RBFOX1: variants seen among roughly 807,000 people sequenced by gnomAD.
The protein encoded by RBFOX1 is RNA binding protein fox-1 homolog 1.
RBFOX1 carries 8 observed loss-of-function variants against 57.7 expected under a neutral mutation model. The observed-to-expected ratio is 0.14, with a 90% confidence interval of 0.08 to 0.25. The LOEUF is 0.25. RBFOX1 is among the 10% of genes least tolerant of loss of function. The probability of loss-of-function intolerance (pLI) is 1.00; values close to 1 mark genes in which losing one functional copy is unlikely to be tolerated. For missense variants in RBFOX1, 611 were observed against 548.5 expected, an observed-to-expected ratio of 1.11 and a Z score of -1.14; for synonymous variants, 326 against 222.4, an observed-to-expected ratio of 1.47 and a Z score of -4.15.
chr16:6,369,986 T>A (rs893370304), intron 2 of RBFOX1, among the ~76,000 whole-genome samples: 1 of 152,196 alleles, frequency 6.6e-6, no homozygotes, highest in East Asian at 1.9e-4. Flanking sequence ...CATTTAGTTG[T>A]CAAGTCTCTT....
At chr16:6,187,671 G>A (rs1427021712) in intron 1 of RBFOX1, among the ~76,000 whole-genome samples, 1 of 152,118 alleles carries the variant, frequency 6.6e-6, no homozygotes, top group Non-Finnish European at 1.5e-5. Context: ...TGAGCAAGTA[G>A]GTAGTTTTAA....
In RBFOX1 at chr16:7,551,449, G is replaced by A. The variant is rs186586471; in HGVS notation, c.271-28328G>A. On this transcript the variant is annotated intron_variant, in intron 5 of 15. Transcript: ENST00000550418. Reference sequence around the variant, plus strand: ...GGCCCAAATAAGGAATATTTGGGGCGCACTTGCTGGGTGAAAGCCATGAGA... The same window carrying A: ...GGCCCAAATAAGGAATATTTGGGGCACACTTGCTGGGTGAAAGCCATGAGA... Among the ~76,000 whole-genome samples, 209 of 152,262 alleles carry A rather than the reference G, an allele frequency of 1.4e-3. 1 individual carries two copies. The highest frequency in any genetic ancestry group is 4.5e-3 in the African/African-American group (185 of 41,564).
upstream of RBFOX1, among the ~76,000 whole-genome samples, chr16:6,016,373 G>A (rs2094993814): frequency 6.6e-6 from 1 of 152,142 alleles, no homozygotes; most frequent in Non-Finnish European, 1.5e-5. Flanking sequence ...GGGTATTCCT[G>A]GTTGGAGGAA....
intron 3 of RBFOX1, among the ~76,000 whole-genome samples, chr16:6,695,703 A>G (rs141474559): frequency 1.3e-5 from 2 of 152,334 alleles, no homozygotes; most frequent in East Asian, 3.9e-4. Flanking sequence ...CAAGAAAGTG[A>G]ATGACTGTCA....
At chr16:5,956,056 T>A (rs1370176877) in intron 4 of RBFOX1, among the ~76,000 whole-genome samples, 1 of 151,990 alleles carries the variant, frequency 6.6e-6, no homozygotes, top group Non-Finnish European at 1.5e-5. Context: ...GAGGCCAAGA[T>A]CACAAGAGCA....
At chr16:6,741,639 A>G (rs2072155246) in intron 3 of RBFOX1, among the ~76,000 whole-genome samples, 1 of 151,762 alleles carries the variant, frequency 6.6e-6, no homozygotes, top group South Asian at 2.1e-4. Context: ...ACTGCACTCC[A>G]GCCTGGGCGA....
At chr16:7,108,135 C>T (rs977790876) in intron 4 of RBFOX1, among the ~76,000 whole-genome samples, 3 of 152,066 alleles carry the variant, frequency 2.0e-5, no homozygotes, top group South Asian at 2.1e-4. Flanking sequence ...TAGCATAAAA[C>T]AAAATACATT....
chr16:6,896,883 G>T (rs903100136), intron 3 of RBFOX1, among the ~76,000 whole-genome samples: 7 of 152,076 alleles, frequency 4.6e-5, no homozygotes, highest in African/African-American at 1.7e-4. Context: ...AAATGATTAG[G>T]GAATTTAGGT....
intron 3 of RBFOX1, among the ~76,000 whole-genome samples, chr16:7,033,826 C>T (rs1214826652): frequency 6.6e-6 from 1 of 151,870 alleles, no homozygotes; most frequent in Non-Finnish European, 1.5e-5. Context: ...CAAATTAGCC[C>T]ACTAGAGTGG....
intron 14 of RBFOX1, among the ~76,000 whole-genome samples, chr16:7,705,399 G>A (rs1019037607): frequency 1.3e-5 from 2 of 152,080 alleles, no homozygotes; most frequent in Non-Finnish European, 2.9e-5. Flanking sequence ...CAGCTATTCG[G>A]GAGGCTGAGG....
chr16:6,508,083 G>C (rs1284690391), intron 2 of RBFOX1, among the ~76,000 whole-genome samples: 1 of 152,120 alleles, frequency 6.6e-6, no homozygotes, highest in Admixed American at 6.5e-5. Context: ...TGGAGCTGGA[G>C]GTCATTATCC....
At chr16:6,919,597 A>G (rs1597229419) in intron 3 of RBFOX1, among the ~76,000 whole-genome samples, 1 of 152,098 alleles carries the variant, frequency 6.6e-6, no homozygotes, top group East Asian at 1.9e-4. Flanking sequence ...TTTAAAGGAA[A>G]CCCTGGTATC....
chr16:6,515,675 C>A (rs573382363), intron 2 of RBFOX1, among the ~76,000 whole-genome samples: 2 of 152,250 alleles, frequency 1.3e-5, no homozygotes, highest in South Asian at 4.1e-4. Flanking sequence ...TGCCTGCCTT[C>A]TCTTATTCCA....
At chr16:7,441,639 T>C (rs62015747) in intron 4 of RBFOX1, among the ~76,000 whole-genome samples, 34,275 of 152,160 alleles carry the variant, frequency 0.23, 5,430 homozygotes, top group East Asian at 0.51. Context: ...CATTTAGATA[T>C]GTAAAGATTA....
intron 4 of RBFOX1, among the ~76,000 whole-genome samples, chr16:7,322,512 T>G (rs944400834): frequency 6.6e-5 from 10 of 152,240 alleles, no homozygotes; most frequent in Non-Finnish European, 2.9e-5. Context: ...TCTTGCTACC[T>G]ACTTGGAAAT....
intron 4 of RBFOX1, among the ~76,000 whole-genome samples, chr16:7,152,436 T>C (rs886168006): frequency 6.6e-6 from 1 of 152,226 alleles, no homozygotes; most frequent in African/African-American, 2.4e-5. Flanking sequence ...TGCCATCAAT[T>C]GTTAATGGTT....
chr16:6,101,140 G>A (rs143726065), intron 1 of RBFOX1, among the ~76,000 whole-genome samples: 40 of 152,272 alleles, frequency 2.6e-4, no homozygotes, highest in African/African-American at 8.9e-4. Flanking sequence ...ACTGACTTCT[G>A]AGAAAGGCTG....
At chr16:6,193,292 C>G (rs1249562311) in intron 1 of RBFOX1, among the ~76,000 whole-genome samples, 1 of 148,782 alleles carries the variant, frequency 6.7e-6, no homozygotes, top group South Asian at 2.1e-4. Context: ...ATCAGATTAT[C>G]TCTTCGTGGG....
chr16:5,846,923 A>C (rs1242876911), intron 3 of RBFOX1, among the ~76,000 whole-genome samples: 1 of 152,186 alleles, frequency 6.6e-6, no homozygotes, highest in Admixed American at 6.5e-5. Context: ...TTAGCCTATA[A>C]ATCAATTAGT....
Sources: gnomAD v4.1 joint callset for allele counts (sites outside exome capture counted in the v4.1 genomes callset) on GRCh38, gnomAD v4.1.1 for gene constraint, MANE v1.5 for transcripts, NCBI Gene and HGNC (gene_info 2026-07-23, HGNC 2026-07-21) for gene names.